SPPL3: variants seen among roughly 807,000 people sequenced by gnomAD.
The protein encoded by SPPL3 is signal peptide peptidase-like 3.
In SPPL3, 5 loss-of-function variants were observed where a neutral mutation model predicts 42.4. The ratio of observed to expected loss-of-function variants is 0.12; its 90% CI spans 0.06 to 0.25. The LOEUF (loss-of-function observed/expected upper bound fraction) is 0.25, where lower values mean the gene tolerates loss of function less well. Ranked by LOEUF, SPPL3 falls within the 10% of genes least tolerant of loss-of-function variation. The pLI is 1.00. For synonymous variants in SPPL3, 195 were observed against 181.8 expected, an observed-to-expected ratio of 1.07 and a Z score of -0.58; for missense variants, 235 against 489.0, an observed-to-expected ratio of 0.48 and a Z score of 4.90.
intron 1 of SPPL3, among the ~76,000 whole-genome samples, chr12:120,875,449 G>A (rs964508760): frequency 6.6e-6 from 1 of 151,998 alleles, no homozygotes; most frequent in Non-Finnish European, 1.5e-5. Context: ...CCAACATGGT[G>A]AAACCCCATC....
chr12:120,837,849 C>T (rs1434767845), intron 1 of SPPL3, among the ~76,000 whole-genome samples: 1 of 152,006 alleles, frequency 6.6e-6, no homozygotes, highest in Non-Finnish European at 1.5e-5. Flanking sequence ...TGACTAGTGC[C>T]TAAATTCTGA....
intron 1 of SPPL3, among the ~76,000 whole-genome samples, chr12:120,865,897 T>C (rs1872741549): frequency 6.6e-6 from 1 of 152,192 alleles, no homozygotes; most frequent in South Asian, 2.1e-4. Context: ...CATTAACGCC[T>C]GAGTTCTACC....
At chr12:120,881,465 CA>C (rs374467556) in intron 1 of SPPL3, among the ~76,000 whole-genome samples, 7 of 52,994 alleles carry the variant, frequency 1.3e-4, no homozygotes, top group African/African-American at 3.4e-4. Flanking sequence ...GAGACTGCCT[CA>C]AAAAAAAAAA....
intron 1 of SPPL3, among the ~76,000 whole-genome samples, chr12:120,899,670 C>T (rs936116697): frequency 2.0e-5 from 3 of 152,086 alleles, no homozygotes; most frequent in African/African-American, 7.2e-5. Context: ...GCGGGAGGAT[C>T]ACCTGAGGTC....
At chr12:120,801,836 A>G (rs1870307369) in intron 2 of SPPL3, among the ~76,000 whole-genome samples, 2 of 152,230 alleles carry the variant, frequency 1.3e-5, no homozygotes, top group Admixed American at 1.3e-4. Flanking sequence ...TCAGCTAATT[A>G]GTGTCAGTTA....
intron 1 of SPPL3, among the ~76,000 whole-genome samples, chr12:120,878,432 A>C (rs73413896): frequency 9.6e-4 from 146 of 152,344 alleles, no homozygotes; most frequent in African/African-American, 3.4e-3. Context: ...CTGAATACTA[A>C]AAGCAATGCC....
chr12:120,876,115 A>C (rs1311932986), intron 1 of SPPL3, among the ~76,000 whole-genome samples: 1 of 151,692 alleles, frequency 6.6e-6, no homozygotes, highest in Non-Finnish European at 1.5e-5. Context: ...CATTATTTTC[A>C]AGTGTACTTA....
At chr12:120,876,163 A>G (rs1378039604) in intron 1 of SPPL3, among the ~76,000 whole-genome samples, 1 of 152,198 alleles carries the variant, frequency 6.6e-6, no homozygotes, top group African/African-American at 2.4e-5. Flanking sequence ...TAGACCACCA[A>G]AAACACACAA....
intron 1 of SPPL3, among the ~76,000 whole-genome samples, chr12:120,891,687 CAT>C (rs1401780253): frequency 6.8e-6 from 1 of 146,696 alleles, no homozygotes; most frequent in African/African-American, 2.5e-5. Context: ...AATATTTTCA[CAT>C]GAGCATGTTA....
At chr12:120,831,851 C>T (rs1030821266) in intron 1 of SPPL3, among the ~76,000 whole-genome samples, 6 of 152,126 alleles carry the variant, frequency 3.9e-5, no homozygotes, top group Non-Finnish European at 5.9e-5. Context: ...GAAGCCACTA[C>T]GAATTCCCAC....
chr12:120,860,371 C>T lies in SPPL3; in HGVS notation c.23+43474G>A, dbSNP rs1872588166. ...ACCAGAAATTTATGTATAATATACT[C>T]AATCAATAAAAATACTTACAGGAAA... On this transcript the variant is annotated intron_variant, in intron 1 of 10. Coordinates refer to ENST00000353487, the MANE Select transcript of SPPL3 (RefSeq NM_139015.5). Among the ~76,000 whole-genome samples the T allele has an allele frequency of 3.3e-5, 5 of 152,240 alleles. No individual in the cohort carries two copies. In the South Asian group the frequency reaches 1.0e-3, roughly 32 times the overall value.
intron 1 of SPPL3, among the ~76,000 whole-genome samples, chr12:120,835,978 C>T (rs1455996266): frequency 2.0e-5 from 3 of 152,270 alleles, no homozygotes; most frequent in African/African-American, 7.2e-5. Flanking sequence ...GTAACCATAT[C>T]ACATTCTCCT....
At chr12:120,847,596 A>T (rs900145097) in intron 1 of SPPL3, among the ~76,000 whole-genome samples, 2 of 151,596 alleles carry the variant, frequency 1.3e-5, no homozygotes, top group Non-Finnish European at 2.9e-5. Context: ...GTCTGGCCTT[A>T]TTTTTTATTT....
intron 1 of SPPL3, among the ~76,000 whole-genome samples, chr12:120,859,709 C>T (rs979883335): frequency 2.0e-5 from 3 of 151,850 alleles, no homozygotes; most frequent in East Asian, 3.9e-4. Context: ...TCTGGGAGGT[C>T]GAGGCGGGTG....
intron 1 of SPPL3, among the ~76,000 whole-genome samples, chr12:120,846,018 C>A (rs1872027907): frequency 6.6e-6 from 1 of 152,052 alleles, no homozygotes; most frequent in South Asian, 2.1e-4. Flanking sequence ...ATACCTTAGC[C>A]CCCAAGTAGC....
At chr12:120,894,227 G>A (rs1241605194) in intron 1 of SPPL3, among the ~76,000 whole-genome samples, 1 of 152,208 alleles carries the variant, frequency 6.6e-6, no homozygotes, top group East Asian at 1.9e-4. Flanking sequence ...GGGAAGCTGA[G>A]GCAGGAGAAT....
chr12:120,844,038 C>T (rs1871932898), intron 1 of SPPL3, among the ~76,000 whole-genome samples: 1 of 152,158 alleles, frequency 6.6e-6, no homozygotes, highest in African/African-American at 2.4e-5. Context: ...AAACCTACAC[C>T]TGTAGCCCTG....
intron 1 of SPPL3, among the ~76,000 whole-genome samples, chr12:120,841,437 T>C (rs540590354): frequency 3.9e-5 from 6 of 152,012 alleles, no homozygotes; most frequent in Admixed American, 1.3e-4. Flanking sequence ...GTTATATATA[T>C]ATATATGCAC....
At chr12:120,798,188 T>C (rs530840232) in intron 2 of SPPL3, among the ~76,000 whole-genome samples, 14 of 152,230 alleles carry the variant, frequency 9.2e-5, no homozygotes, top group Non-Finnish European at 2.1e-4. Context: ...TCTTCTGAAA[T>C]ATGGTCAGGT....
Sources: allele counts gnomAD v4.1 joint callset (sites outside exome capture counted in the v4.1 genomes callset), GRCh38; gene constraint gnomAD v4.1.1; transcripts MANE v1.5; gene names NCBI Gene and HGNC (gene_info 2026-07-23, HGNC 2026-07-21).